The following ATP2C1 variants were observed in gnomAD, a reference collection of about 807,000 sequenced individuals.
The protein encoded by ATP2C1 is ATPase secretory pathway Ca2+ transporting 1, also known as calcium-transporting ATPase type 2C member 1.
A neutral mutation model predicts 120.5 loss-of-function variants in ATP2C1; 31 were observed. The observed-to-expected ratio is 0.26, with a 90% confidence interval of 0.19 to 0.35. The LOEUF is 0.35. Among genes scored for constraint, ATP2C1 ranks in the 10% least tolerant of loss-of-function variants. The pLI, the probability that ATP2C1 is intolerant of heterozygous loss-of-function variation, is 1.00. For synonymous variants in ATP2C1, 351 were observed against 358.7 expected (o/e 0.98, Z 0.24); for missense variants, 731 against 1,107.5 (o/e 0.66, Z 4.83).
chr3:130,922,412 G>A (rs2059010945), intron 2 of ATP2C1, among the ~76,000 whole-genome samples: 1 of 151,736 alleles, frequency 6.6e-6, no homozygotes, highest in African/African-American at 2.4e-5. Context: ...TAAAGAACCA[G>A]CTTTTTGTTT....
chr3:131,003,240 A>C, downstream of ATP2C1: 3 of 774,546 alleles, frequency 3.9e-6, no homozygotes, highest in Non-Finnish European at 4.7e-6. Context: ...GATGCTGGAG[A>C]ATGCATAGTA....
rs757073707 is a variant in ATP2C1 at position 130,940,674 on chromosome 3, G to C, written c.405G>C (p.Val135=). 6.2e-7 allele frequency: 1 copy of C among 1,612,388 alleles called. No homozygotes were observed. Among genetic ancestry groups the C allele is most frequent in the Non-Finnish European group, 8.5e-7 (1 of 1,178,930 alleles). Residue 135 remains valine, a synonymous_variant, in exon 7 of 28, where the codon GTG becomes GTC. Coordinates refer to ENST00000510168, the MANE Select transcript of ATP2C1 (RefSeq NM_001378687.1). The part of the protein sequence containing the change: ...EKSLEELSKL[V]PPECHCVREG... The stretch of plus-strand genomic sequence containing the variant: ...CTCTTGAAGAATTGAGTAAACTTGT[G>C]CCACCAGAATGCCATTGGTATGATC...
chr3:130,932,290 T>G, intron 4 of ATP2C1, 152 bp downstream of exon 4: 1 of 627,546 alleles, frequency 1.6e-6, no homozygotes, highest in South Asian at 1.8e-5. Flanking sequence ...TGGGGCTTAC[T>G]GTTAGGTTGG....
At position 130,964,373 on chromosome 3, in the gene ATP2C1, A is replaced by G. The variant is rs111875873; in HGVS notation, c.1024+278A>G. ...ACTGAAATCTTGGAGTAAAATTAATAGAATTTTTTTCTTGTGACATGTCAA... is the reference window on the plus strand; with the variant it reads ...ACTGAAATCTTGGAGTAAAATTAATGGAATTTTTTTCTTGTGACATGTCAA... On this transcript the variant is annotated intron_variant, in intron 13 of 27. Transcript: ENST00000510168. Among the ~76,000 whole-genome samples, 1,155 of 152,198 alleles carry G rather than the reference A, an allele frequency of 7.6e-3. 18 individuals carry two copies. The highest frequency in any genetic ancestry group is 0.026 in the African/African-American group (1,101 of 41,562).
intron 1 of ATP2C1, among the ~76,000 whole-genome samples, chr3:130,885,766 A>C (rs1576591737): frequency 6.6e-6 from 1 of 152,242 alleles, no homozygotes; most frequent in Middle Eastern, 3.4e-3. Flanking sequence ...TCTACATGCC[A>C]CAATTACAGT....
chr3:130,866,644 CA>C (rs2068186065), intron 1 of ATP2C1, among the ~76,000 whole-genome samples: 1 of 152,170 alleles, frequency 6.6e-6, no homozygotes, highest in Non-Finnish European at 1.5e-5. Context: ...ATGTGATACT[CA>C]ATTACCTAAG....
At chr3:130,917,069 C>T (rs533351160) in intron 2 of ATP2C1, among the ~76,000 whole-genome samples, 1 of 152,304 alleles carries the variant, frequency 6.6e-6, no homozygotes, top group East Asian at 1.9e-4. Context: ...AACTGTACTT[C>T]TGTTCTTCAC....
chr3:131,006,237 G>A (rs1404142479), downstream of ATP2C1, among the ~76,000 whole-genome samples: 1 of 151,896 alleles, frequency 6.6e-6, no homozygotes, highest in Admixed American at 6.6e-5. Flanking sequence ...TCAGCCTCCC[G>A]AGTAGCTGGG....
chr3:130,943,562 TA>T (rs2060011926), intron 8 of ATP2C1, among the ~76,000 whole-genome samples: 1 of 152,116 alleles, frequency 6.6e-6, no homozygotes, highest in Admixed American at 6.5e-5. Context: ...TCTTGTGGAG[TA>T]ATTTATTAGT....
intron 2 of ATP2C1, among the ~76,000 whole-genome samples, chr3:130,903,297 T>G (rs1359387327): frequency 2.6e-5 from 4 of 152,100 alleles, no homozygotes; most frequent in Admixed American, 2.6e-4. Context: ...GTACATTTTG[T>G]GACAGCAAAT....
At chr3:130,929,014 C>T (rs2059337012) in intron 2 of ATP2C1, among the ~76,000 whole-genome samples, 1 of 152,100 alleles carries the variant, frequency 6.6e-6, no homozygotes, top group Non-Finnish European at 1.5e-5. Context: ...TTCAGTGGCT[C>T]TAAAACATGT....
chr3:130,877,975 C>T (rs1307291686), intron 1 of ATP2C1, among the ~76,000 whole-genome samples: 7 of 151,986 alleles, frequency 4.6e-5, no homozygotes, highest in Admixed American at 4.6e-4. Flanking sequence ...AGGATGAGCT[C>T]ATGTCCTTTG....
In ATP2C1 at chr3:130,894,221, C is replaced by G. The variant is rs1203559781; in HGVS notation, c.-297C>G. Reference sequence around the variant, plus strand: ...CTTCTTCTCACGCCGGGAGCAGGCTCCCGCCTCGCACCGCTGCCCCGCGAG... The same window carrying G: ...CTTCTTCTCACGCCGGGAGCAGGCTGCCGCCTCGCACCGCTGCCCCGCGAG... On this transcript the variant is annotated 5_prime_UTR_variant, in exon 1 of 28. Transcript: ENST00000510168. This position sits in a 1 kb window ranked among gnomAD's most constrained non-coding sequence, Gnocchi z 4.5. 1 of 984,410 alleles carries G rather than the reference C, an allele frequency of 1.0e-6. No individual in the cohort carries two copies. Among genetic ancestry groups the G allele is most frequent in the Non-Finnish European group, 1.2e-6 (1 of 829,622 alleles). 61.0% of individuals were successfully genotyped at this position (984,410 alleles called of 1,614,324 possible).
At chr3:130,980,280 C>T (rs1028588231) in intron 19 of ATP2C1, among the ~76,000 whole-genome samples, 2 of 146,918 alleles carry the variant, frequency 1.4e-5, no homozygotes, top group African/African-American at 5.0e-5. Context: ...GAGACAGGGT[C>T]TTGCTATATT....
At chr3:130,972,729 C>G (rs1400526639) in intron 17 of ATP2C1, among the ~76,000 whole-genome samples, 1 of 148,952 alleles carries the variant, frequency 6.7e-6, no homozygotes, top group East Asian at 2.0e-4. Context: ...GTTTTTTGTC[C>G]TTGCGATAGT....
upstream of ATP2C1, among the ~76,000 whole-genome samples, chr3:130,889,677 G>A (rs1168114630): frequency 1.5e-5 from 1 of 64,858 alleles, no homozygotes. Flanking sequence ...ACAGTTTCTT[G>A]CTCTGTCCCC....
At chr3:130,865,917 T>G (rs1430208954) in intron 1 of ATP2C1, among the ~76,000 whole-genome samples, 1 of 152,230 alleles carries the variant, frequency 6.6e-6, no homozygotes, top group Non-Finnish European at 1.5e-5. Context: ...ATTTAAAAAT[T>G]TTTTAACTTT....
chr3:130,967,223 G>A lies in ATP2C1; in HGVS notation c.1201G>A (p.Val401Ile). 3.7e-6 allele frequency: 6 copies of A among 1,613,564 alleles called. No individual in the cohort carries two copies. Among genetic ancestry groups the A allele is most frequent in the Non-Finnish European group, 4.2e-6 (5 of 1,179,600 alleles). ...TGTTCATGGATTCTATAACCCAGCT[G>A]TTAGCAGAATTGTTGAGGTAAATAT... ...DVVHGFYNPA[V>I]SRIVEAGCVC... Residue 401 changes from valine (V) to isoleucine (I), a missense_variant, in exon 15 of 28, where the codon GTT (valine) becomes ATT (isoleucine). Physicochemically the swap from Val to Ile is conservative, Grantham distance 29. Transcript: ENST00000510168.
intron 7 of ATP2C1, among the ~76,000 whole-genome samples, chr3:130,941,226 G>GTGTT (rs2059891715): frequency 6.9e-5 from 1 of 14,536 alleles, no homozygotes; most frequent in African/African-American, 1.2e-4. Flanking sequence ...ATTTAACAGT[G>GTGTT]TGTGTGTGTG....
Sources: allele counts gnomAD v4.1 joint callset (sites outside exome capture counted in the v4.1 genomes callset), GRCh38; gene constraint gnomAD v4.1.1; non-coding constraint Gnocchi (gnomAD v3.1); transcripts MANE v1.5; gene names NCBI Gene and HGNC (gene_info 2026-07-23, HGNC 2026-07-21).